The following KYAT1 variants were observed in gnomAD, a reference collection of about 807,000 sequenced individuals.
KYAT1 encodes the protein kynurenine--oxoglutarate transaminase 1.
KYAT1 carries 47 observed loss-of-function variants against 52.4 expected under a neutral mutation model. That is an observed-to-expected ratio of 0.90 (90% CI 0.71 to 1.14). KYAT1 has a LOEUF of 1.14. KYAT1 is among the 50% of genes most tolerant of loss of function. The pLI is 0.00. For synonymous variants in KYAT1, 212 were observed against 209.6 expected, an observed-to-expected ratio of 1.01 and a Z score of -0.10; for missense variants, 480 against 557.9, an observed-to-expected ratio of 0.86 and a Z score of 1.41.
At chr9:128,846,829 CT>C (rs1007697627) in intron 1 of KYAT1, 1 of 1,535,516 alleles carries the variant, frequency 6.5e-7, no homozygotes, top group Admixed American at 2.0e-5. Flanking sequence ...GGCCGTGGAG[CT>C]GGGGATCCAA....
chr9:128,835,201 G>T, intron 11 of KYAT1, 122 bp downstream of exon 11: 1 of 811,742 alleles, frequency 1.2e-6, no homozygotes, highest in Non-Finnish European at 2.2e-6. Flanking sequence ...ATACAACCCT[G>T]CCCCAAGGTT....
intron 1 of KYAT1, among the ~76,000 whole-genome samples, chr9:128,853,994 T>C (rs1478158631): frequency 6.6e-6 from 1 of 152,250 alleles, no homozygotes; most frequent in African/African-American, 2.4e-5. Flanking sequence ...CAGGAGAAAA[T>C]ACTTCCCATG....
intron 1 of KYAT1, among the ~76,000 whole-genome samples, chr9:128,849,816 GAAA>G: frequency 7.3e-6 from 1 of 137,844 alleles, no homozygotes; most frequent in Non-Finnish European, 1.6e-5. Context: ...AAAAAGAAAA[GAAA>G]AGAAAAGAAT....
intron 1 of KYAT1, among the ~76,000 whole-genome samples, chr9:128,854,287 T>G (rs2119339964): frequency 6.6e-6 from 1 of 152,340 alleles, no homozygotes; most frequent in Non-Finnish European, 1.5e-5. Context: ...ACTTTAAATT[T>G]TTTTAACATT....
chr9:128,878,780 T>C (rs556037364), intron 1 of KYAT1, among the ~76,000 whole-genome samples: 1 of 152,282 alleles, frequency 6.6e-6, no homozygotes, highest in South Asian at 2.1e-4. Flanking sequence ...TCACCACTTA[T>C]TCCTCCTGGC....
At position 128,866,892 on chromosome 9, in the gene KYAT1, C is replaced by T. The variant is rs1028533519; in HGVS notation, c.-7+15005G>A. Among the ~76,000 whole-genome samples, 10 of 149,262 alleles carry T rather than the reference C, an allele frequency of 6.7e-5. No individual in the cohort carries two copies. In the East Asian group the frequency reaches 1.8e-3, roughly 26 times the overall value. ...CTGCACTCCAGTCTGGGTGACAGAG[C>T]GAGACTCTGTCTCAAAAAAAAAAAA... is the stretch of plus-strand genomic sequence containing the variant. On this transcript the variant is annotated intron_variant, in intron 1 of 12. Coordinates refer to ENST00000302586, the MANE Select transcript of KYAT1 (RefSeq NM_004059.5).
rs544422267 is a variant in KYAT1 at position 128,840,362 on chromosome 9, G to A, written c.202-1995C>T. On this transcript the variant is annotated intron_variant, in intron 3 of 12. Coordinates refer to ENST00000302586, the MANE Select transcript of KYAT1 (RefSeq NM_004059.5). ...CAACCTCCGCCTCCCGGGTTCAAGC[G>A]ATTCTTGTGCCTCAGCCTCCCAAGT... Among the ~76,000 whole-genome samples, 28 of 152,224 alleles carry A rather than the reference G, an allele frequency of 1.8e-4. No homozygotes were observed. In the East Asian group the frequency reaches 3.9e-3, roughly 21 times the overall value.
In KYAT1 at chr9:128,835,467, C is replaced by T. The variant is rs1471938045; in HGVS notation, c.1042+14G>A. 6.2e-7 allele frequency: 1 copy of T among 1,613,870 alleles called. No individual in the cohort carries two copies. Among genetic ancestry groups the T allele is most frequent in the African/African-American group, 1.3e-5 (1 of 75,056 alleles). ...AGCCCCTGCGCCCTGCCCAGACCGGCAAGTCTCACTCACTGAAGTCTGAGA... is the reference window on the plus strand; with the variant it reads ...AGCCCCTGCGCCCTGCCCAGACCGGTAAGTCTCACTCACTGAAGTCTGAGA... On this transcript the variant is annotated intron_variant, in intron 10 of 12. Coordinates refer to ENST00000302586, the MANE Select transcript of KYAT1 (RefSeq NM_004059.5).
intron 1 of KYAT1, among the ~76,000 whole-genome samples, chr9:128,852,461 G>A (rs1834077342): frequency 6.6e-6 from 1 of 152,224 alleles, no homozygotes; most frequent in African/African-American, 2.4e-5. Context: ...TCAGACTTTT[G>A]TAGCTCAAGT....
intron 11 of KYAT1, among the ~76,000 whole-genome samples, chr9:128,834,669 C>A (rs1480199918): frequency 6.6e-6 from 1 of 151,102 alleles, no homozygotes; most frequent in East Asian, 1.9e-4. Flanking sequence ...ACTAAAAATA[C>A]AAAAATTAGC....
At position 128,836,841 on chromosome 9, in the gene KYAT1, G is replaced by A. The variant is rs1831215884; in HGVS notation, c.649C>T (p.Gln217Ter). Residue 217 changes from glutamine (Q) to a stop codon, truncating the protein, a stop_gained, in exon 7 of 13, where the codon CAG (glutamine) becomes TAG (stop). Coordinates refer to ENST00000302586, the MANE Select transcript of KYAT1 (RefSeq NM_004059.5). LOFTEE classifies it high-confidence loss of function. Reference protein sequence around the residue: ...DVVCITDEVYQWMVYDGHQHI... With the variant: ...DVVCITDEVY The stretch of plus-strand genomic sequence containing the variant: ...TGGTGCCCGTCGTAGACCATCCACT[G>A]GTAGACTTCATCAGTGATACACACC... 6.2e-7 allele frequency: 1 copy of A among 1,613,886 alleles called. No homozygotes were observed. The highest frequency in any genetic ancestry group is 1.3e-5 in the African/African-American group (1 of 74,912).
chr9:128,835,446 C>T (rs1229469724), intron 10 of KYAT1, 35 bp downstream of exon 10: 8 of 1,613,636 alleles, frequency 5.0e-6, no homozygotes, highest in Non-Finnish European at 6.8e-6. Flanking sequence ...GCCTCCAGCC[C>T]CTGCGCCCTG....
At chr9:128,841,955 T>C (rs1177640273) in intron 3 of KYAT1, 1 of 154,108 alleles carries the variant, frequency 6.5e-6, no homozygotes, top group Non-Finnish European at 1.4e-5. Flanking sequence ...CAGGCTGCAG[T>C]GAGCCGTGAT....
intron 2 of KYAT1, among the ~76,000 whole-genome samples, chr9:128,844,245 A>G (rs1365744196): frequency 6.6e-6 from 1 of 152,182 alleles, no homozygotes; most frequent in Non-Finnish European, 1.5e-5. Flanking sequence ...AAATATGTCT[A>G]AAATGTGTCA....
intron 3 of KYAT1, chr9:128,842,268 A>G (rs555475437): frequency 8.1e-4 from 144 of 178,174 alleles, no homozygotes; most frequent in African/African-American, 3.3e-3. Context: ...TCCTTTCCGG[A>G]AAACGTTTGG....
At chr9:128,879,319 A>G (rs1293247910) in intron 1 of KYAT1, among the ~76,000 whole-genome samples, 1 of 152,126 alleles carries the variant, frequency 6.6e-6, no homozygotes, top group Non-Finnish European at 1.5e-5. Context: ...CAAAAAAAAA[A>G]AAAGGAATTA....
intron 1 of KYAT1, among the ~76,000 whole-genome samples, chr9:128,849,737 A>G (rs1452983360): frequency 1.3e-5 from 2 of 149,248 alleles, no homozygotes; most frequent in South Asian, 2.1e-4. Context: ...TGGAGGTTGC[A>G]GTGAGCCGAG....
At chr9:128,843,842 TC>T (rs1431995863) in intron 2 of KYAT1, among the ~76,000 whole-genome samples, 2 of 152,216 alleles carry the variant, frequency 1.3e-5, no homozygotes, top group Non-Finnish European at 2.9e-5. Flanking sequence ...GCATGACTCC[TC>T]CTTGGATTCG....
chr9:128,834,763 T>C (rs1347414748), intron 11 of KYAT1, among the ~76,000 whole-genome samples: 6 of 133,524 alleles, frequency 4.5e-5, no homozygotes, highest in Non-Finnish European at 1.5e-5. Flanking sequence ...ACCCTGGAGG[T>C]GGAGGTTGCA....
Sources: allele counts gnomAD v4.1 joint callset (sites outside exome capture counted in the v4.1 genomes callset), GRCh38; gene constraint gnomAD v4.1.1; transcripts MANE v1.5; gene names NCBI Gene and HGNC (gene_info 2026-07-23, HGNC 2026-07-21).